Variants in THAP6 observed in about 807,000 individuals in gnomAD.
THAP6 encodes the protein THAP domain containing 6.
Under a neutral mutation model 20.0 loss-of-function variants are expected in THAP6, and 13 were observed. The observed-to-expected ratio is 0.65, with a 90% CI of 0.42 to 1.03. THAP6 has a LOEUF of 1.03. Ranked by LOEUF, THAP6 falls within the 50% of genes least tolerant of loss-of-function variation. THAP6 has a pLI of 0.00. For synonymous variants in THAP6, 93 were observed against 92.2 expected, an observed-to-expected ratio of 1.01 and a Z score of -0.05; for missense variants, 262 against 261.6, an observed-to-expected ratio of 1.00 and a Z score of -0.01.
chr4:75,516,891 A>G lies in THAP6; in HGVS notation c.200A>G (p.Lys67Arg), dbSNP rs747187698. Residue 67 changes from lysine to arginine, a missense_variant, in exon 3 of 5, where the codon AAG (lysine) becomes AGG (arginine). Transcript: ENST00000311638. ...KGDVLCSRHF[K>R]KTDFDRSAPN... ...GATGTGTTGTGTTCGAGGCACTTTA[A>G]GAAGACAGATTTTGACAGAAGTGCT... is the stretch of plus-strand genomic sequence containing the variant. The G allele has an allele frequency of 5.1e-5, 83 of 1,614,184 alleles. No individual in the cohort carries two copies. The highest frequency in any genetic ancestry group is 6.8e-5 in the Non-Finnish European group (80 of 1,180,038).
intron 3 of THAP6, among the ~76,000 whole-genome samples, chr4:75,546,724 A>G (rs1256359694): frequency 6.6e-6 from 1 of 152,228 alleles, no homozygotes; most frequent in East Asian, 1.9e-4. Context: ...CTGCAGTTCC[A>G]GTCCAAAAGC....
chr4:75,527,421 G>A lies in THAP6; in HGVS notation c.*207G>A, dbSNP rs1158519027. On this transcript the variant is annotated 3_prime_UTR_variant, in exon 5 of 5. Coordinates refer to ENST00000311638, the MANE Select transcript of THAP6 (RefSeq NM_144721.6). ...TGTATTTGTGTCTTGTGACAATTATGTTTTATAGACCTACACTAGTGCCAG... is the reference window on the plus strand; with the variant it reads ...TGTATTTGTGTCTTGTGACAATTATATTTTATAGACCTACACTAGTGCCAG... 1.5e-6 allele frequency: 2 copies of A among 1,373,762 alleles called. No homozygotes were observed. Among genetic ancestry groups the A allele is most frequent in the Non-Finnish European group, 1.9e-6 (2 of 1,064,822 alleles). The allele number at this position is 1,373,762 out of a possible 1,614,324, so 85.1% of individuals were successfully genotyped here.
intron 2 of THAP6, among the ~76,000 whole-genome samples, chr4:75,539,558 C>T (rs945706911): frequency 2.0e-5 from 3 of 152,208 alleles, no homozygotes; most frequent in Non-Finnish European, 4.4e-5. Flanking sequence ...TCAGTGTGGG[C>T]ACTTTGAAAG....
At chr4:75,539,581 A>G (rs1361195484) in intron 2 of THAP6, among the ~76,000 whole-genome samples, 1 of 152,224 alleles carries the variant, frequency 6.6e-6, no homozygotes, top group Non-Finnish European at 1.5e-5. Flanking sequence ...CTGTCCCAGA[A>G]CCTGGATTAT....
At chr4:75,534,526 C>A (rs1301338027), downstream of THAP6, among the ~76,000 whole-genome samples, 1 of 152,160 alleles carries the variant, frequency 6.6e-6, no homozygotes, top group African/African-American at 2.4e-5. Context: ...TCTAAATCAC[C>A]AAAAGCAATG....
upstream of THAP6, chr4:75,514,425 G>A (rs1420801827): frequency 2.1e-6 from 2 of 972,978 alleles, no homozygotes; most frequent in South Asian, 2.0e-5. Context: ...ACGTGACCCG[G>A]GGCAGACGGA....
chr4:75,538,713 C>T (rs1256809253), intron 2 of THAP6, among the ~76,000 whole-genome samples: 1 of 152,228 alleles, frequency 6.6e-6, no homozygotes, highest in East Asian at 1.9e-4. Flanking sequence ...ACTGTCACAG[C>T]TCCCTTTGGA....
rs768402365 is a variant in THAP6 at position 75,515,497 on chromosome 4, G to A, written c.45G>A (p.Leu15=). The part of the protein sequence containing the change: ...CSAIGCASRC[L]PNSKLKGLTF... Reference sequence around the variant, plus strand: ...CCATTGGATGTGCTTCTCGCTGCTTGCCAAATTCGAAGTTAAAAGGACTGA... The same window carrying A: ...CCATTGGATGTGCTTCTCGCTGCTTACCAAATTCGAAGTTAAAAGGACTGA... Residue 15 remains leucine, a synonymous_variant, in exon 2 of 5, where the codon TTG becomes TTA. Coordinates refer to ENST00000311638, the MANE Select transcript of THAP6 (RefSeq NM_144721.6). The A allele has an allele frequency of 6.2e-7, 1 of 1,613,964 alleles. No homozygotes were observed. The highest frequency in any genetic ancestry group is 8.5e-7 in the Non-Finnish European group (1 of 1,179,858).
chr4:75,529,693 C>T lies in THAP6; in HGVS notation c.*2479C>T. ...CCCCTCCAGAAATTTCTCTGGCAGC[C>T]AAGCCTGACCCTAAGGGTTCCACTT... On this transcript the variant is annotated 3_prime_UTR_variant, in exon 5 of 5. Coordinates refer to ENST00000311638, the MANE Select transcript of THAP6 (RefSeq NM_144721.6). The T allele has an allele frequency of 1.0e-6, 1 of 985,448 alleles. No homozygotes were observed. Among genetic ancestry groups the T allele is most frequent in the Non-Finnish European group, 1.2e-6 (1 of 829,966 alleles). 61.0% of individuals were successfully genotyped at this position (985,448 alleles called of 1,614,324 possible). A position where few individuals can be genotyped will look rare whatever the true frequency, so the allele number is the denominator to read the frequency against.
intron 4 of THAP6, among the ~76,000 whole-genome samples, chr4:75,525,326 T>A (rs1180965304): frequency 1.3e-5 from 2 of 152,170 alleles, no homozygotes; most frequent in Non-Finnish European, 2.9e-5. Flanking sequence ...TTTTTCTATC[T>A]CCTTTTCTCT....
intron 2 of THAP6, among the ~76,000 whole-genome samples, chr4:75,535,231 A>G (rs943168664): frequency 9.2e-5 from 14 of 152,184 alleles, no homozygotes; most frequent in Admixed American, 2.0e-4. Context: ...CCCACAACAC[A>G]TGGGGAACTA....
chr4:75,532,023 C>T (rs1363721114), downstream of THAP6, among the ~76,000 whole-genome samples: 2 of 152,162 alleles, frequency 1.3e-5, no homozygotes, highest in Non-Finnish European at 2.9e-5. Flanking sequence ...CATTTCAAAA[C>T]CAATCATGCC....
At chr4:75,536,466 A>G (rs920807051) in intron 2 of THAP6, among the ~76,000 whole-genome samples, 2 of 152,178 alleles carry the variant, frequency 1.3e-5, no homozygotes, top group Non-Finnish European at 2.9e-5. Context: ...CTCCATCTAA[A>G]AAAAAAGAGA....
At position 75,529,531 on chromosome 4, in the gene THAP6, G is replaced by GT; in HGVS notation, c.*2318dup. 1 of 985,444 alleles carries GT rather than the reference G, an allele frequency of 1.0e-6. No individual in the cohort carries two copies. The highest frequency in any genetic ancestry group is 4.7e-5 in the South Asian group (1 of 21,290). The allele number at this position is 985,444 out of a possible 1,614,324, so 61.0% of individuals were successfully genotyped here. A position where few individuals can be genotyped will look rare whatever the true frequency, so the allele number is the denominator to read the frequency against. On this transcript the variant is annotated 3_prime_UTR_variant, in exon 5 of 5. Transcript: ENST00000311638. Reference sequence around the variant, plus strand: ...TAGGGAAGCAATTACTGATAGAAATGTGAGATTAAAAATAGGGTCCTCCCT... The same window carrying GT: ...TAGGGAAGCAATTACTGATAGAAATGTTGAGATTAAAAATAGGGTCCTCCCT...
In THAP6 at chr4:75,527,435, C is replaced by T; in HGVS notation, c.*221C>T. On this transcript the variant is annotated 3_prime_UTR_variant, in exon 5 of 5. Transcript: ENST00000311638. ...GTGACAATTATGTTTTATAGACCTA[C>T]ACTAGTGCCAGGTCACTATTGTAAG... 1 of 1,342,506 alleles carries T rather than the reference C, an allele frequency of 7.4e-7. No homozygotes were observed. Among genetic ancestry groups the T allele is most frequent in the Non-Finnish European group, 9.5e-7 (1 of 1,047,964 alleles). The allele number at this position is 1,342,506 out of a possible 1,614,324, so 83.2% of individuals were successfully genotyped here.
chr4:75,519,462 A>G (rs570317295), intron 3 of THAP6, among the ~76,000 whole-genome samples: 84 of 151,134 alleles, frequency 5.6e-4, no homozygotes, highest in African/African-American at 1.6e-3. Flanking sequence ...ATATCTCCCA[A>G]TGCTATCCTT....
At chr4:75,534,893 T>A (rs916019379), downstream of THAP6, among the ~76,000 whole-genome samples, 1 of 152,152 alleles carries the variant, frequency 6.6e-6, no homozygotes, top group Non-Finnish European at 1.5e-5. Context: ...GGGCGATCAT[T>A]AAAAAGTCAG....
rs1726588449 is a variant in THAP6, at chr4:75,529,521, T to G, written c.*2307T>G. The G allele has an allele frequency of 1.0e-6, 1 of 985,324 alleles. No individual in the cohort carries two copies. The highest frequency in any genetic ancestry group is 1.2e-6 in the Non-Finnish European group (1 of 829,950). 61.0% of individuals were successfully genotyped at this position (985,324 alleles called of 1,614,324 possible). Reference sequence around the variant, plus strand: ...TTTGTTCTAATAGGGAAGCAATTACTGATAGAAATGTGAGATTAAAAATAG... The same window carrying G: ...TTTGTTCTAATAGGGAAGCAATTACGGATAGAAATGTGAGATTAAAAATAG... On this transcript the variant is annotated 3_prime_UTR_variant, in exon 5 of 5. Coordinates refer to ENST00000311638, the MANE Select transcript of THAP6 (RefSeq NM_144721.6).
Position 75,516,967 on chromosome 4 carries a change from A to G in THAP6, c.276A>G (p.Pro92=), listed in dbSNP as rs1725693731. Residue 92 remains proline, a synonymous_variant, in exon 3 of 5, where the codon CCA becomes CCG. Transcript: ENST00000311638. ...TCATACCTTCTATCTTTGATTCTCC[A>G]TATCACCTACAGGTTTGTTTATGAG... ...PGVIPSIFDS[P]YHLQGKREKL... is the part of the protein sequence containing the mutation. 3 of 1,611,012 alleles carry G rather than the reference A, an allele frequency of 1.9e-6. No individual in the cohort carries two copies. The highest frequency in any genetic ancestry group is 2.5e-6 in the Non-Finnish European group (3 of 1,178,258).
Sources: gnomAD v4.1 joint callset for allele counts (sites outside exome capture counted in the v4.1 genomes callset) on GRCh38, gnomAD v4.1.1 for gene constraint, MANE v1.5 for transcripts, NCBI Gene and HGNC (gene_info 2026-07-23, HGNC 2026-07-21) for gene names.